The following SPTBN1 variants were observed in gnomAD, a reference collection of about 807,000 sequenced individuals.
SPTBN1 encodes spectrin beta chain, non-erythrocytic 1.
SPTBN1 carries 32 observed loss-of-function variants against 266.4 expected under a neutral mutation model. The ratio of observed to expected loss-of-function variants is 0.12; its 90% CI spans 0.09 to 0.16. SPTBN1 has a LOEUF of 0.16. Ranked by LOEUF, SPTBN1 falls within the 10% of genes least tolerant of loss-of-function variation. The pLI, the probability that SPTBN1 is intolerant of heterozygous loss-of-function variation, is 1.00. For synonymous variants in SPTBN1, 1,336 were observed against 1,162.2 expected (o/e 1.15, Z -3.04); for missense variants, 2,296 against 3,067.1 (o/e 0.75, Z 5.94).
intron 31 of SPTBN1, among the ~76,000 whole-genome samples, 178 bp from the exon 32 acceptor site, chr2:54,659,758 T>G (rs1296651206): frequency 6.6e-6 from 1 of 152,194 alleles, no homozygotes. Context: ...TGTAGTCGTA[T>G]TTTTCTGTCT....
intron 1 of SPTBN1, among the ~76,000 whole-genome samples, chr2:54,463,539 A>C (rs7605118): frequency 0.16 from 24,730 of 152,186 alleles, 2,126 homozygotes; most frequent in African/African-American, 0.2. Flanking sequence ...GACCTTGGGC[A>C]AACTGCCTAG....
rs1558763980 is a variant in SPTBN1, at chr2:54,481,423, TG to T, written c.-48+24906del. ...GTGTGTGTGTGTGTGTGTGTGTGTG[TG>T]TGTGTGTGTGTGTGTGTTTTGTTTT... On this transcript the variant is annotated intron_variant, in intron 1 of 35. Transcript: ENST00000356805. Among the ~76,000 whole-genome samples the T allele has an allele frequency of 9.0e-3, 1,218 of 135,390 alleles. 14 individuals carry two copies. Among genetic ancestry groups the T allele is most frequent in the African/African-American group, 0.026 (838 of 32,810 alleles). The allele number at this position is 135,390 out of a possible 152,430, so 88.8% of individuals were successfully genotyped here.
At chr2:54,482,498 A>G (rs149269103) in intron 1 of SPTBN1, among the ~76,000 whole-genome samples, 216 of 152,364 alleles carry the variant, frequency 1.4e-3, no homozygotes, top group Non-Finnish European at 2.5e-3. Flanking sequence ...TGATTGTAAC[A>G]TAAGCCAAGT....
chr2:54,645,536 T>C lies in SPTBN1; in HGVS notation c.4494+83T>C. On this transcript the variant is annotated intron_variant, in intron 21 of 35. Coordinates refer to ENST00000356805, the MANE Select transcript of SPTBN1 (RefSeq NM_003128.3). This position sits in a 1 kb window ranked among gnomAD's most constrained non-coding sequence, Gnocchi z 4.3. ...AGCCCACATTCTCACTTCTCAGTCA[T>C]CCTCACCTTGGGCCACGTTGGCAAG... The C allele has an allele frequency of 6.9e-7, 1 of 1,456,772 alleles. No homozygotes were observed. Among genetic ancestry groups the C allele is most frequent in the Non-Finnish European group, 9.3e-7 (1 of 1,069,896 alleles). The allele number at this position is 1,456,772 out of a possible 1,614,324, so 90.2% of individuals were successfully genotyped here.
rs189997381 is a variant in SPTBN1 at position 54,631,781 on chromosome 2, G to T, written c.3564+170G>T. Reference sequence around the variant, plus strand: ...CTCTTAAGGCATTGAAATCCATCACGTTGTAGGGGACAGGAATTGAAAGTT... The same window carrying T: ...CTCTTAAGGCATTGAAATCCATCACTTTGTAGGGGACAGGAATTGAAAGTT... On this transcript the variant is annotated intron_variant, in intron 16 of 35. Coordinates refer to ENST00000356805, the MANE Select transcript of SPTBN1 (RefSeq NM_003128.3). 9.9e-5 allele frequency among the ~76,000 whole-genome samples: 15 copies of T among 152,272 alleles called. No homozygotes were observed. The East Asian group carries it at 2.3e-3, about 23-fold the overall frequency.
chr2:54,635,983 A>G (rs1488640191), intron 17 of SPTBN1, among the ~76,000 whole-genome samples: 1 of 152,234 alleles, frequency 6.6e-6, no homozygotes, highest in Admixed American at 6.5e-5. Context: ...ATAGATGGCA[A>G]TGGCATAAAA....
chr2:54,668,831 A>C lies in SPTBN1; in HGVS notation c.*262A>C, dbSNP rs994894442. 2.7e-5 allele frequency: 11 copies of C among 404,204 alleles called. No homozygotes were observed. The highest frequency in any genetic ancestry group is 7.1e-4 in the Middle Eastern group (1 of 1,418). The allele number at this position is 404,204 out of a possible 1,614,324, so 25.0% of individuals were successfully genotyped here. A position where few individuals can be genotyped will look rare whatever the true frequency, so the allele number is the denominator to read the frequency against. ...TTATATAGATTAGATCTCAGTATTTAAACTGTTCCTCAATTTTGTGAGGCT... is the reference window on the plus strand; with the variant it reads ...TTATATAGATTAGATCTCAGTATTTCAACTGTTCCTCAATTTTGTGAGGCT... On this transcript the variant is annotated 3_prime_UTR_variant, in exon 36 of 36. Coordinates refer to ENST00000356805, the MANE Select transcript of SPTBN1 (RefSeq NM_003128.3).
At chr2:54,637,578 C>T (rs1251641630) in intron 17 of SPTBN1, 135 bp from the exon 18 acceptor site, 2 of 695,352 alleles carry the variant, frequency 2.9e-6, no homozygotes, top group East Asian at 2.8e-5. Context: ...ATCTTGTCTC[C>T]TTCACATTAT....
At chr2:54,590,532 A>C (rs1045843155) in intron 2 of SPTBN1, among the ~76,000 whole-genome samples, 1 of 152,236 alleles carries the variant, frequency 6.6e-6, no homozygotes, top group East Asian at 1.9e-4. Context: ...ATAGGACACA[A>C]GACGTATAAT....
At chr2:54,476,759 T>C (rs958978073) in intron 1 of SPTBN1, among the ~76,000 whole-genome samples, 27 of 152,234 alleles carry the variant, frequency 1.8e-4, no homozygotes, top group Non-Finnish European at 3.5e-4. Context: ...GAAGCTTTGT[T>C]TTTATTGTTT....
chr2:54,622,526 G>C, intron 9 of SPTBN1, 39 bp downstream of exon 9: 1 of 1,599,294 alleles, frequency 6.3e-7, no homozygotes, highest in Non-Finnish European at 8.5e-7. Flanking sequence ...AATATGGAAA[G>C]ACACATCACT....
intron 1 of SPTBN1, among the ~76,000 whole-genome samples, chr2:54,506,165 T>C (rs1279485204): frequency 6.9e-6 from 1 of 145,756 alleles, no homozygotes; most frequent in Non-Finnish European, 1.5e-5. Context: ...ATAAATAAAA[T>C]CTGAATGCAA....
At chr2:54,462,611 G>A (rs1002726823) in intron 1 of SPTBN1, among the ~76,000 whole-genome samples, 3 of 152,260 alleles carry the variant, frequency 2.0e-5, no homozygotes, top group Non-Finnish European at 4.4e-5. Context: ...TTGTGGACTG[G>A]CTTAAAGTTG....
intron 1 of SPTBN1, among the ~76,000 whole-genome samples, chr2:54,466,348 G>T (rs1693628378): frequency 1.1e-5 from 1 of 90,368 alleles, no homozygotes; most frequent in Non-Finnish European, 2.0e-5. Context: ...AATTAAGTAT[G>T]TTTATTCTTC....
chr2:54,664,606 A>T lies in SPTBN1; in HGVS notation c.6574A>T (p.Thr2192Ser). The T allele has an allele frequency of 2.5e-6, 4 of 1,614,146 alleles. No individual in the cohort carries two copies. The highest frequency in any genetic ancestry group is 3.4e-6 in the Non-Finnish European group (4 of 1,180,028). Residue 2192 changes from threonine to serine, a missense_variant, in exon 33 of 36, where the codon ACC becomes TCC. Around this residue, in one of 12 missense-constraint regions of SPTBN1, gnomAD observed 347 missense variants for 368.5 expected, o/e 0.94. Transcript: ENST00000356805. The surrounding 1 kb of genome is among the most constrained non-coding windows in gnomAD (Gnocchi z 5.6). ...AQSAATLPAR[T>S]QETPSAQMEG... ...GAGTGCCGCCACCTTACCAGCCAGA[A>T]CCCAGGAGACACCTTCGGCCCAGAT...
intron 30 of SPTBN1, among the ~76,000 whole-genome samples, chr2:54,658,250 C>G (rs1019281853): frequency 6.6e-6 from 1 of 152,158 alleles, no homozygotes; most frequent in African/African-American, 2.4e-5. Context: ...CAGTCACATC[C>G]TGGGCACCTG....
chr2:54,594,098 GGAT>G (rs1675880342), intron 2 of SPTBN1, among the ~76,000 whole-genome samples: 1 of 151,978 alleles, frequency 6.6e-6, no homozygotes, highest in Non-Finnish European at 1.5e-5. Context: ...CCCAAAGCTG[GGAT>G]TATAGGTGTG....
At chr2:54,543,592 GT>G (rs754471763) in intron 2 of SPTBN1, among the ~76,000 whole-genome samples, 4 of 148,002 alleles carry the variant, frequency 2.7e-5, no homozygotes, top group Admixed American at 6.7e-5. Context: ...AAAAATACTT[GT>G]TTTTTTTTTA....
At chr2:54,512,008 C>G (rs763196157) in intron 1 of SPTBN1, among the ~76,000 whole-genome samples, 8 of 152,300 alleles carry the variant, frequency 5.3e-5, no homozygotes, top group Non-Finnish European at 1.0e-4. Flanking sequence ...GCGTTAGATT[C>G]TCATAAGGAG....
Sources: gnomAD v4.1 joint callset for allele counts (sites outside exome capture counted in the v4.1 genomes callset) on GRCh38, gnomAD v4.1.1 for gene constraint, gnomAD v4.1.1 regional missense constraint, Gnocchi (gnomAD v3.1) non-coding constraint, MANE v1.5 for transcripts, NCBI Gene and HGNC (gene_info 2026-07-23, HGNC 2026-07-21) for gene names.